TMEM232: variants seen among roughly 807,000 people sequenced by gnomAD.
TMEM232 encodes transmembrane protein 232.
TMEM232 carries 80 observed loss-of-function variants against 78.8 expected under a neutral mutation model. The observed-to-expected ratio is 1.01, with a 90% CI of 0.85 to 1.22. The LOEUF is 1.22. Ranked by LOEUF, TMEM232 falls within the 50% of genes most tolerant of loss-of-function variation. The pLI is 0.00. For missense variants in TMEM232, 881 were observed against 742.2 expected (o/e 1.19, Z -2.17); for synonymous variants, 297 against 254.3 (o/e 1.17, Z -1.60).
At chr5:110,391,052 TTTTG>T (rs760287432) in intron 3 of TMEM232, among the ~76,000 whole-genome samples, 17 of 152,320 alleles carry the variant, frequency 1.1e-4, no homozygotes, top group Admixed American at 7.8e-4. Context: ...GGTTTAGACC[TTTTG>T]TTTGTTTATT....
chr5:110,620,680 T>G (rs924186740), intron 7 of TMEM232, among the ~76,000 whole-genome samples: 3 of 144,826 alleles, frequency 2.1e-5, no homozygotes, highest in Non-Finnish European at 4.5e-5. Flanking sequence ...TCTCTCTCTC[T>G]CTCCCTCTCT....
At chr5:110,404,515 G>A (rs1013004534) in intron 2 of TMEM232, among the ~76,000 whole-genome samples, 2 of 152,024 alleles carry the variant, frequency 1.3e-5, no homozygotes, top group African/African-American at 2.4e-5. Context: ...CTAGATATGT[G>A]AGCCCTAAAG....
intron 12 of TMEM232, among the ~76,000 whole-genome samples, chr5:110,461,267 T>C (rs1032137731): frequency 6.7e-6 from 1 of 150,310 alleles, no homozygotes; most frequent in Non-Finnish European, 1.5e-5. Flanking sequence ...AAAAAAAAAG[T>C]AAAACAATTT....
In TMEM232 at chr5:110,667,314, T is replaced by C. The variant is rs1354101025; in HGVS notation, c.39A>G (p.Thr13=). 6.5e-7 allele frequency: 1 copy of C among 1,538,978 alleles called. No individual in the cohort carries two copies. The highest frequency in any genetic ancestry group is 2.0e-5 in the Admixed American group (1 of 50,008). ...MPVNKSPMIN[T]CGGISSPYHE... is the part of the protein sequence containing the mutation. ...GATAAGGGGAAGATATGCCTCCACATGTATTAATCATAGGTGATTTGTTAA... is the reference window on the plus strand; with the variant it reads ...GATAAGGGGAAGATATGCCTCCACACGTATTAATCATAGGTGATTTGTTAA... Residue 13 remains threonine (T), a synonymous_variant, in exon 2 of 14, where the codon ACA becomes ACG. Transcript: ENST00000455884.
At position 110,597,339 on chromosome 5, in the gene TMEM232, A is replaced by G. The variant is rs967960521; in HGVS notation, c.1276+7770T>C. 5.5e-3 allele frequency among the ~76,000 whole-genome samples: 831 copies of G among 152,286 alleles called. 8 individuals carry two copies. Among genetic ancestry groups the G allele is most frequent in the African/African-American group, 0.019 (788 of 41,562 alleles). On this transcript the variant is annotated intron_variant, in intron 10 of 13. Transcript: ENST00000455884. ...AAGGACCTCTTCAAGGAGAACTACA[A>G]ACCACTGCTCAATGAAATAAAAGAG...
intron 10 of TMEM232, among the ~76,000 whole-genome samples, chr5:110,588,331 A>T (rs938416136): frequency 6.6e-5 from 10 of 152,296 alleles, no homozygotes; most frequent in Middle Eastern, 3.4e-3. Context: ...TGAATGGAAA[A>T]GCACTTGGGT....
At chr5:110,504,638 T>C (rs1053265975) in intron 12 of TMEM232, among the ~76,000 whole-genome samples, 1 of 151,998 alleles carries the variant, frequency 6.6e-6, no homozygotes, top group African/African-American at 2.4e-5. Context: ...TCAATTCGAG[T>C]CTGAAGACAA....
At chr5:110,406,567 A>C (rs1487569050) in intron 2 of TMEM232, among the ~76,000 whole-genome samples, 1 of 152,140 alleles carries the variant, frequency 6.6e-6, no homozygotes, top group East Asian at 1.9e-4. Flanking sequence ...AGTCCTTCAC[A>C]GACAAACAGA....
intron 1 of TMEM232, among the ~76,000 whole-genome samples, chr5:110,675,773 T>G (rs1791953412): frequency 6.6e-6 from 1 of 152,224 alleles, no homozygotes; most frequent in African/African-American, 2.4e-5. Context: ...TTCAGTTATC[T>G]TTTTTTGTGT....
At chr5:110,568,396 GT>G (rs912132391) in intron 11 of TMEM232, 50 bp downstream of exon 11, 22 of 1,438,090 alleles carry the variant, frequency 1.5e-5, no homozygotes, top group Admixed American at 1.4e-4. Context: ...AATGACAACC[GT>G]GCTTCCTAAT....
intron 12 of TMEM232, among the ~76,000 whole-genome samples, chr5:110,489,961 T>C (rs1308217740): frequency 1.3e-5 from 2 of 151,718 alleles, no homozygotes; most frequent in South Asian, 4.2e-4. Context: ...CTGTCTCTAC[T>C]AAAAATAGAA....
chr5:110,738,914 T>C (rs376922066), upstream of TMEM232: 35 of 1,357,768 alleles, frequency 2.6e-5, 2 homozygotes, highest in East Asian at 2.1e-4. Context: ...CCGCCGCGTC[T>C]CCCTAGCAAC....
At chr5:110,424,958 T>A in intron 12 of TMEM232, 42 bp from the exon 13 acceptor site, 1 of 1,330,898 alleles carries the variant, frequency 7.5e-7, no homozygotes, top group Non-Finnish European at 1.0e-6. Context: ...TAGGTATAGG[T>A]ACTCCTATTC....
chr5:110,580,826 C>G (rs1279435855), intron 10 of TMEM232, among the ~76,000 whole-genome samples: 2 of 151,364 alleles, frequency 1.3e-5, no homozygotes, highest in Non-Finnish European at 3.0e-5. Flanking sequence ...AAGATTGAAA[C>G]TATGCTAAAT....
At chr5:110,439,229 A>C (rs143751329) in intron 12 of TMEM232, among the ~76,000 whole-genome samples, 12 of 152,164 alleles carry the variant, frequency 7.9e-5, no homozygotes, top group Non-Finnish European at 1.5e-4. Flanking sequence ...TCTAACACTG[A>C]AACAGTTTCC....
At chr5:110,487,712 G>C (rs527637442) in intron 12 of TMEM232, among the ~76,000 whole-genome samples, 2 of 152,154 alleles carry the variant, frequency 1.3e-5, no homozygotes, top group African/African-American at 2.4e-5. Context: ...CAGTTGGCTA[G>C]TATTTTAAGA....
upstream of TMEM232, chr5:110,738,915 C>A: frequency 7.3e-7 from 1 of 1,367,150 alleles, no homozygotes; most frequent in Non-Finnish European, 9.6e-7. Flanking sequence ...CGCCGCGTCT[C>A]CCTAGCAACC....
chr5:110,398,383 CAA>C (rs1474874606), intron 2 of TMEM232, among the ~76,000 whole-genome samples: 3 of 152,130 alleles, frequency 2.0e-5, no homozygotes, highest in Non-Finnish European at 4.4e-5. Context: ...AATCTTGAGT[CAA>C]AGACTCCGTG....
chr5:110,466,780 T>C (rs560332726), intron 12 of TMEM232, among the ~76,000 whole-genome samples: 2 of 150,986 alleles, frequency 1.3e-5, no homozygotes, highest in South Asian at 2.1e-4. Context: ...GCCCGGCTAA[T>C]TTTTTTTTGT....
Sources: allele counts gnomAD v4.1 joint callset (sites outside exome capture counted in the v4.1 genomes callset), GRCh38; gene constraint gnomAD v4.1.1; transcripts MANE v1.5; gene names NCBI Gene and HGNC (gene_info 2026-07-23, HGNC 2026-07-21).